Variants in LAMB4 observed in about 807,000 individuals in gnomAD.
LAMB4 encodes the protein laminin subunit beta 4.
In LAMB4, 196 loss-of-function variants were observed where a neutral mutation model predicts 199.2. The ratio of observed to expected loss-of-function variants is 0.98; its 90% CI spans 0.88 to 1.11. The LOEUF (loss-of-function observed/expected upper bound fraction) is 1.11, where lower values mean the gene tolerates loss of function less well. Ranked by LOEUF, LAMB4 falls within the 50% of genes least tolerant of loss-of-function variation. The pLI is 0.00. For missense variants in LAMB4, 2,080 were observed against 2,171.2 expected (o/e 0.96, Z 0.83); for synonymous variants, 744 against 770.6 (o/e 0.97, Z 0.57).
Position 108,055,943 on chromosome 7 carries a change from G to A in LAMB4, c.3444C>T (p.Arg1148=). The A allele has an allele frequency of 1.2e-6, 2 of 1,614,208 alleles. No homozygotes were observed. Among genetic ancestry groups the A allele is most frequent in the Non-Finnish European group, 8.5e-7 (1 of 1,180,026 alleles). The part of the protein sequence containing the change: ...PICDPDTGMC[R]CREGVSGQRC... ...TCTGGCCGCTGACACCCTCCCGGCA[G>A]CGGCACATGCCTGTGTCTGGATCAC... The change falls in exon 25 of 34, where the codon CGC becomes CGT. Residue 1148 remains arginine (R), a synonymous_variant. Transcript: ENST00000388781.
intron 33 of LAMB4, among the ~76,000 whole-genome samples, chr7:108,028,198 T>C (rs2034904158): frequency 6.6e-6 from 1 of 152,210 alleles, no homozygotes; most frequent in Non-Finnish European, 1.5e-5. Context: ...CTAGATGACC[T>C]AGTGCCCTAG....
At chr7:108,028,923 T>C (rs2034933022) in intron 33 of LAMB4, 120 bp downstream of exon 33, 1 of 908,080 alleles carries the variant, frequency 1.1e-6, no homozygotes, top group East Asian at 2.6e-5. Flanking sequence ...TTTCTACTTC[T>C]CTCTCCTCAG....
intron 12 of LAMB4, among the ~76,000 whole-genome samples, chr7:108,092,731 A>AC (rs2037457451): frequency 1.3e-5 from 2 of 151,852 alleles, no homozygotes; most frequent in African/African-American, 4.8e-5. Context: ...CCATGGTGAA[A>AC]CCCCATCTCT....
Position 108,077,028 on chromosome 7 carries a change from T to C in LAMB4, c.2040A>G (p.Pro680=). ...MLLPTPICLE[P]DVQYSIDVYF... ...AGACATCTATGGAATATTGTACATC[T>C]GGTTCTAAACAGATGGGTGTGGGAA... The change falls in exon 17 of 34, where the codon CCA becomes CCG. Residue 680 remains proline (P), a synonymous_variant. Transcript: ENST00000388781. The C allele has an allele frequency of 6.2e-7, 1 of 1,614,026 alleles. No homozygotes were observed. Among genetic ancestry groups the C allele is most frequent in the Non-Finnish European group, 8.5e-7 (1 of 1,179,890 alleles).
intron 25 of LAMB4, among the ~76,000 whole-genome samples, chr7:108,054,748 T>C (rs558209044): frequency 2.0e-5 from 3 of 152,308 alleles, no homozygotes; most frequent in Admixed American, 2.0e-4. Context: ...GTGGCTGTGC[T>C]CCAAGGAAAC....
At position 108,091,733 on chromosome 7, in the gene LAMB4, T is replaced by C; in HGVS notation, c.1594A>G (p.Thr532Ala). Reference protein sequence around the residue: ...NGQCECRPHVTGRSCSEPAPG... With the variant: ...NGQCECRPHVAGRSCSEPAPG... ...GCTGGTTCAGAGCAGCTACGGCCAG[T>C]GACATGTGGGCGGCATTCACACTGC... Residue 532 changes from threonine (T) to alanine (A), a missense_variant, in exon 14 of 34, where the codon ACT becomes GCT. Transcript: ENST00000388781. 6.2e-7 allele frequency: 1 copy of C among 1,614,110 alleles called. No individual in the cohort carries two copies. The highest frequency in any genetic ancestry group is 8.5e-7 in the Non-Finnish European group (1 of 1,180,010).
intron 26 of LAMB4, among the ~76,000 whole-genome samples, chr7:108,050,402 A>G (rs1052782163): frequency 6.6e-6 from 1 of 152,232 alleles, no homozygotes; most frequent in African/African-American, 2.4e-5. Context: ...TCTCATTGAT[A>G]GTAAGAGATG....
At chr7:108,055,607 T>G (rs2035956678) in intron 25 of LAMB4, 25 bp downstream of exon 25, 1 of 1,592,178 alleles carries the variant, frequency 6.3e-7, no homozygotes, top group South Asian at 1.2e-5. Flanking sequence ...AGTTTGGCTG[T>G]CTGTTACTTG....
chr7:108,086,297 C>T (rs2037173979), intron 14 of LAMB4, among the ~76,000 whole-genome samples: 1 of 152,168 alleles, frequency 6.6e-6, no homozygotes, highest in Non-Finnish European at 1.5e-5. Context: ...CTGCCTCCCC[C>T]TTTCTCATTT....
At chr7:108,101,778 A>G (rs912471904) in intron 10 of LAMB4, among the ~76,000 whole-genome samples, 2 of 152,288 alleles carry the variant, frequency 1.3e-5, no homozygotes, top group African/African-American at 4.8e-5. Flanking sequence ...CTGCACTTCC[A>G]TCACCCTGAT....
intron 5 of LAMB4, 129 bp from the exon 6 acceptor site, chr7:108,107,948 G>T: frequency 1.4e-6 from 1 of 731,566 alleles, no homozygotes; most frequent in Non-Finnish European, 2.1e-6. Flanking sequence ...TGTTTGTTTT[G>T]TTTTGTTTTT....
intron 15 of LAMB4, 38 bp downstream of exon 15, chr7:108,079,563 C>T: frequency 6.7e-7 from 1 of 1,501,660 alleles, no homozygotes; most frequent in African/African-American, 1.4e-5. Context: ...GTATTTCTGT[C>T]AGCTTTTCAC....
At chr7:108,126,731 AT>A (rs368918537) in intron 1 of LAMB4, among the ~76,000 whole-genome samples, 10 of 137,592 alleles carry the variant, frequency 7.3e-5, no homozygotes, top group Admixed American at 2.1e-4. Flanking sequence ...CGCCCGACTA[AT>A]TTTTTTTTTG....
intron 25 of LAMB4, 40 bp downstream of exon 25, chr7:108,055,592 T>A: frequency 6.4e-7 from 1 of 1,574,100 alleles, no homozygotes. Context: ...TTAAGGTAAA[T>A]CAGGAGTTTG....
At chr7:108,053,010 T>C (rs11487091) in intron 25 of LAMB4, among the ~76,000 whole-genome samples, 25,770 of 152,120 alleles carry the variant, frequency 0.17, 6,650 homozygotes, top group African/African-American at 0.56. Flanking sequence ...CCATTTTCTT[T>C]TGTAACTCTC....
At position 108,068,171 on chromosome 7, in the gene LAMB4, A is replaced by G. The variant is rs1405611426; in HGVS notation, c.2303-12T>C. 1 of 1,613,630 alleles carries G rather than the reference A, an allele frequency of 6.2e-7. No homozygotes were observed. Among genetic ancestry groups the G allele is most frequent in the African/African-American group, 1.3e-5 (1 of 74,890 alleles). ...GTGACACTTGCAGGCTGCAAGGAACAATGGAAGGGAGGTAGAAATGAATGA... is the reference window on the plus strand; with the variant it reads ...GTGACACTTGCAGGCTGCAAGGAACGATGGAAGGGAGGTAGAAATGAATGA... On this transcript the variant is annotated splice_polypyrimidine_tract_variant and intron_variant, in intron 18 of 33. Coordinates refer to ENST00000388781, the MANE Select transcript of LAMB4 (RefSeq NM_007356.3).
At chr7:108,121,680 G>C (rs937240057) in intron 2 of LAMB4, among the ~76,000 whole-genome samples, 1 of 151,872 alleles carries the variant, frequency 6.6e-6, no homozygotes, top group African/African-American at 2.4e-5. Context: ...AACCCAGGAG[G>C]TGGAGGTTGC....
chr7:108,035,104 A>C (rs1480620413), intron 30 of LAMB4, among the ~76,000 whole-genome samples: 2 of 152,084 alleles, frequency 1.3e-5, no homozygotes, highest in Non-Finnish European at 2.9e-5. Context: ...TCCCTTTCTA[A>C]CCTTCAGGAG....
At chr7:108,083,328 T>C (rs111840330) in intron 14 of LAMB4, among the ~76,000 whole-genome samples, 8 of 152,280 alleles carry the variant, frequency 5.3e-5, no homozygotes, top group African/African-American at 1.7e-4. Context: ...AAATACCACA[T>C]TAATCCCCTA....
Sources: allele counts gnomAD v4.1 joint callset (sites outside exome capture counted in the v4.1 genomes callset), GRCh38; gene constraint gnomAD v4.1.1; transcripts MANE v1.5; gene names NCBI Gene and HGNC (gene_info 2026-07-23, HGNC 2026-07-21).